GLS: variants seen among roughly 807,000 people sequenced by gnomAD.
GLS encodes the protein glutaminase, also known as glutaminase kidney isoform, mitochondrial.
In GLS, 36 loss-of-function variants were observed where a neutral mutation model predicts 86.7. That is an observed-to-expected ratio of 0.42 (90% CI 0.32 to 0.55). The LOEUF (loss-of-function observed/expected upper bound fraction) is 0.55. GLS is among the 20% of genes least tolerant of loss of function. The pLI is 0.17. For synonymous variants in GLS, 317 were observed against 305.9 expected (o/e 1.04, Z -0.38); for missense variants, 528 against 833.4 (o/e 0.63, Z 4.51).
rs1326977842 is a variant in GLS, at chr2:190,941,516, TATAATG to T, written c.1650+9889_1650+9894del. Among the ~76,000 whole-genome samples, 5 of 150,438 alleles carry T rather than the reference TATAATG, an allele frequency of 3.3e-5. No individual in the cohort carries two copies. In the East Asian group the frequency reaches 5.9e-4, roughly 18 times the overall value. On this transcript the variant is annotated intron_variant, in intron 14 of 17. Coordinates refer to ENST00000320717, the MANE Select transcript of GLS (RefSeq NM_014905.5). The stretch of plus-strand genomic sequence containing the variant: ...TTTCTTTAAAAAATATTTCAGCAAA[TATAATG>T]ATAATGATAGAAAAGTAAAAAAATG...
At position 190,955,969 on chromosome 2, in the gene GLS, G is replaced by T. The variant is rs1199130869; in HGVS notation, c.1853+1151G>T. On this transcript the variant is annotated intron_variant, in intron 17 of 17. Transcript: ENST00000320717. The surrounding 1 kb of genome is among the most constrained non-coding windows in gnomAD (Gnocchi z 5.6). ...CATCCTTCACCCACTTTTTGATGGG[G>T]TTTTTTTGTTGTTGTAAATTTGCTT... Among the ~76,000 whole-genome samples the T allele has an allele frequency of 6.6e-6, 1 of 152,088 alleles. No homozygotes were observed.
At chr2:190,889,088 C>T (rs895109281) in intron 1 of GLS, among the ~76,000 whole-genome samples, 2 of 152,152 alleles carry the variant, frequency 1.3e-5, no homozygotes, top group African/African-American at 4.8e-5. Flanking sequence ...TTTTTAGCAA[C>T]TCAAAAACTG....
chr2:190,918,550 T>C (rs1267076620), intron 7 of GLS, among the ~76,000 whole-genome samples: 1 of 152,140 alleles, frequency 6.6e-6, no homozygotes, highest in African/African-American at 2.4e-5. Flanking sequence ...ATGTTACCGG[T>C]TATGCTGTTT....
intron 7 of GLS, among the ~76,000 whole-genome samples, chr2:190,918,652 G>C (rs1315642569): frequency 1.3e-5 from 2 of 152,084 alleles, no homozygotes; most frequent in Non-Finnish European, 2.9e-5. Flanking sequence ...TTTACAACTT[G>C]GCTAACTTTG....
In GLS at chr2:190,913,238, GTT is replaced by G. The variant is rs1689420183; in HGVS notation, c.1038+2918_1038+2919del. ...AAATGGGGGAAGAGGCAGAGCAAAT[GTT>G]CAAAAGGATTAGCAGATTGTGGAAA... On this transcript the variant is annotated intron_variant, in intron 7 of 17. Transcript: ENST00000320717. The surrounding 1 kb of genome is among the most constrained non-coding windows in gnomAD (Gnocchi z 6.1). The G allele has an allele frequency of 1.5e-6, 2 of 1,303,280 alleles. No individual in the cohort carries two copies. The highest frequency in any genetic ancestry group is 3.0e-5 in the African/African-American group (2 of 65,778). 80.7% of individuals were successfully genotyped at this position (1,303,280 alleles called of 1,614,324 possible).
chr2:190,882,923 C>T (rs1688252979), intron 1 of GLS, among the ~76,000 whole-genome samples: 1 of 152,202 alleles, frequency 6.6e-6, no homozygotes, highest in African/African-American at 2.4e-5. Flanking sequence ...ACTTTAACAT[C>T]ATCCGGTTTA....
intron 14 of GLS, among the ~76,000 whole-genome samples, chr2:190,948,183 C>T (rs960208436): frequency 6.6e-6 from 1 of 152,208 alleles, no homozygotes; most frequent in Non-Finnish European, 1.5e-5. Context: ...CACCTATCTT[C>T]TGGTTTGGAC....
rs1689418642 is a variant in GLS, at chr2:190,913,178, A to G, written c.1038+2857A>G. ...GATTTCATAATTTTGTAGTATTGAT[A>G]TTTTTTCCTTGTAGGATTGGTGGTG... On this transcript the variant is annotated intron_variant, in intron 7 of 17. Transcript: ENST00000320717. The surrounding 1 kb of genome is among the most constrained non-coding windows in gnomAD (Gnocchi z 6.1). 2.3e-6 allele frequency: 3 copies of G among 1,297,482 alleles called. No individual in the cohort carries two copies. The highest frequency in any genetic ancestry group is 1.5e-5 in the African/African-American group (1 of 65,650). The allele number at this position is 1,297,482 out of a possible 1,614,324, so 80.4% of individuals were successfully genotyped here. A position where few individuals can be genotyped will look rare whatever the true frequency, so the allele number is the denominator to read the frequency against.
chr2:190,899,038 G>A (rs371577532), intron 3 of GLS, among the ~76,000 whole-genome samples: 20 of 152,320 alleles, frequency 1.3e-4, no homozygotes, highest in African/African-American at 4.6e-4. Context: ...CTTGAAAAAT[G>A]AGGAAGTGCA....
Position 190,964,766 on chromosome 2 carries a change from C to T in GLS, c.*1780C>T, listed in dbSNP as rs2124964534. The T allele has an allele frequency of 6.6e-6, 1 of 152,292 alleles. No individual in the cohort carries two copies. Among genetic ancestry groups the T allele is most frequent in the East Asian group, 1.9e-4 (1 of 5,182 alleles). 9.4% of individuals were successfully genotyped at this position (152,292 alleles called of 1,614,324 possible). A position where few individuals can be genotyped will look rare whatever the true frequency, so the allele number is the denominator to read the frequency against. Reference sequence around the variant, plus strand: ...AGCAGCATTATCCCCAAAGATATTACAGGGTAGACACGTTTTAACTGAAAT... The same window carrying T: ...AGCAGCATTATCCCCAAAGATATTATAGGGTAGACACGTTTTAACTGAAAT... On this transcript the variant is annotated 3_prime_UTR_variant, in exon 18 of 18. Transcript: ENST00000320717. The surrounding 1 kb of genome is among the most constrained non-coding windows in gnomAD (Gnocchi z 5.2).
At position 190,947,460 on chromosome 2, in the gene GLS, T is replaced by C. The variant is rs947525714; in HGVS notation, c.1651-6105T>C. ...AGAAAAATGCAGTAGTGCTGGAAAATCTACAAGATGAAGGGGAAACTGTTA... is the reference window on the plus strand; with the variant it reads ...AGAAAAATGCAGTAGTGCTGGAAAACCTACAAGATGAAGGGGAAACTGTTA... On this transcript the variant is annotated intron_variant, in intron 14 of 17. Coordinates refer to ENST00000320717, the MANE Select transcript of GLS (RefSeq NM_014905.5). The surrounding 1 kb of genome is among the most constrained non-coding windows in gnomAD (Gnocchi z 5.0). 1.3e-5 allele frequency among the ~76,000 whole-genome samples: 2 copies of C among 152,118 alleles called. No individual in the cohort carries two copies. Among genetic ancestry groups the C allele is most frequent in the Admixed American group, 1.3e-4 (2 of 15,278 alleles).
chr2:190,936,496 A>G (rs990852390), intron 14 of GLS, among the ~76,000 whole-genome samples: 1 of 151,100 alleles, frequency 6.6e-6, no homozygotes, highest in Admixed American at 6.6e-5. Flanking sequence ...CCAAGCTTTG[A>G]CACAAAAGAA....
At chr2:190,915,997 T>G (rs908030643) in intron 7 of GLS, among the ~76,000 whole-genome samples, 4 of 152,208 alleles carry the variant, frequency 2.6e-5, no homozygotes, top group Non-Finnish European at 4.4e-5. Context: ...CTGAGTAACA[T>G]TGCTATAATA....
rs1447768577 is a variant in GLS at position 190,955,136 on chromosome 2, A to AT, written c.1853+323dup. ...TATCCTCATGGATTTTAAAAAAAAA[A>AT]TTTTTAAATTACACTTTAAGTTCTG... On this transcript the variant is annotated intron_variant, in intron 17 of 17. Coordinates refer to ENST00000320717, the MANE Select transcript of GLS (RefSeq NM_014905.5). This position sits in a 1 kb window ranked among gnomAD's most constrained non-coding sequence, Gnocchi z 5.6. Among the ~76,000 whole-genome samples the AT allele has an allele frequency of 1.3e-5, 2 of 151,896 alleles. No homozygotes were observed. The highest frequency in any genetic ancestry group is 2.9e-5 in the Non-Finnish European group (2 of 67,930).
chr2:190,912,456 C>A (rs1416740602), intron 7 of GLS, among the ~76,000 whole-genome samples: 1 of 147,654 alleles, frequency 6.8e-6, no homozygotes, highest in African/African-American at 2.5e-5. Context: ...TTCTTAGGAT[C>A]TTTTAGGGAA....
At chr2:190,934,695 T>C (rs1408742906) in intron 14 of GLS, 110 of 970,192 alleles carry the variant, frequency 1.1e-4, no homozygotes, top group Non-Finnish European at 1.3e-4. Context: ...TTTCATATCG[T>C]ATACATAGCT....
At chr2:190,937,613 A>C (rs564426621) in intron 14 of GLS, among the ~76,000 whole-genome samples, 1 of 151,508 alleles carries the variant, frequency 6.6e-6, no homozygotes, top group East Asian at 1.9e-4. Flanking sequence ...GGAGAGGAAG[A>C]GAATTTAAGT....
In GLS at chr2:190,953,688, A is replaced by G; in HGVS notation, c.1712+62A>G. 8.7e-7 allele frequency: 1 copy of G among 1,149,322 alleles called. No homozygotes were observed. The highest frequency in any genetic ancestry group is 1.3e-6 in the Non-Finnish European group (1 of 769,286). The allele number at this position is 1,149,322 out of a possible 1,614,324, so 71.2% of individuals were successfully genotyped here. A position where few individuals can be genotyped will look rare whatever the true frequency, so the allele number is the denominator to read the frequency against. Reference sequence around the variant, plus strand: ...ATATTTATGAAGTTGCTTCTGGGCGAGCAGCCATTTTAAGGTTAAAGTCTC... The same window carrying G: ...ATATTTATGAAGTTGCTTCTGGGCGGGCAGCCATTTTAAGGTTAAAGTCTC... On this transcript the variant is annotated intron_variant, in intron 15 of 17. Transcript: ENST00000320717. The surrounding 1 kb of genome is among the most constrained non-coding windows in gnomAD (Gnocchi z 4.0).
chr2:190,911,846 G>A (rs1689372377), intron 7 of GLS, among the ~76,000 whole-genome samples: 1 of 152,020 alleles, frequency 6.6e-6, no homozygotes, highest in African/African-American at 2.4e-5. Flanking sequence ...TGATCCATGG[G>A]TCCTAGTTTA....
Sources: allele counts gnomAD v4.1 joint callset (sites outside exome capture counted in the v4.1 genomes callset), GRCh38; gene constraint gnomAD v4.1.1; non-coding constraint Gnocchi (gnomAD v3.1); transcripts MANE v1.5; gene names NCBI Gene and HGNC (gene_info 2026-07-23, HGNC 2026-07-21).